MYO1E: variants seen among roughly 807,000 people sequenced by gnomAD.
MYO1E encodes myosin IE, also known as unconventional myosin-Ie.
In MYO1E, 68 loss-of-function variants were observed where a neutral mutation model predicts 151.1. That is an observed-to-expected ratio of 0.45 (90% confidence interval 0.37 to 0.55). MYO1E has a LOEUF of 0.55. Among genes scored for constraint, MYO1E ranks in the 20% least tolerant of loss-of-function variants. The probability of loss-of-function intolerance (pLI) is 0.00; values close to 1 mark genes in which losing one functional copy is unlikely to be tolerated. For synonymous variants in MYO1E, 601 were observed against 501.7 expected (o/e 1.20, Z -2.64); for missense variants, 1,363 against 1,389.3 (o/e 0.98, Z 0.30).
At position 59,174,790 on chromosome 15, in the gene MYO1E, C is replaced by A. The variant is rs3816815; in HGVS notation, c.2050-550G>T. Among the ~76,000 whole-genome samples, 19 of 151,906 alleles carry A rather than the reference C, an allele frequency of 1.3e-4. No homozygotes were observed. The East Asian group carries it at 3.7e-3, about 30-fold the overall frequency. On this transcript the variant is annotated intron_variant, in intron 19 of 27. Transcript: ENST00000288235. Reference sequence around the variant, plus strand: ...CACCAATCTCAGGATTCACCAAGGACCAGCGGAGCAGAGGATAATAACCAC... The same window carrying A: ...CACCAATCTCAGGATTCACCAAGGAACAGCGGAGCAGAGGATAATAACCAC...
intron 1 of MYO1E, among the ~76,000 whole-genome samples, chr15:59,286,872 G>T (rs1197877798): frequency 6.6e-6 from 1 of 152,162 alleles, no homozygotes; most frequent in African/African-American, 2.4e-5. Context: ...AATGACACAT[G>T]TTTACAAACA....
chr15:59,277,190 T>C (rs1351347735), intron 1 of MYO1E, among the ~76,000 whole-genome samples: 2 of 152,178 alleles, frequency 1.3e-5, no homozygotes, highest in African/African-American at 4.8e-5. Flanking sequence ...GGTAGCAATT[T>C]AGAAATCGGT....
At chr15:59,206,966 G>C in intron 14 of MYO1E, 1 of 1,613,886 alleles carries the variant, frequency 6.2e-7, no homozygotes, top group Non-Finnish European at 8.5e-7. Context: ...CCTGTTGTGC[G>C]GGCCAGCCAG....
chr15:59,173,734 G>T lies in MYO1E; in HGVS notation c.2334+12C>A. 6.2e-7 allele frequency: 1 copy of T among 1,614,008 alleles called. No homozygotes were observed. On this transcript the variant is annotated intron_variant, in intron 21 of 27. Transcript: ENST00000288235. ...TGTTTGGTGATCTCAGAGGCAGGCA[G>T]TTAGCACGTACCTTGAACCTCCTGT...
intron 26 of MYO1E, among the ~76,000 whole-genome samples, chr15:59,151,272 C>A (rs549148258): frequency 3.6e-4 from 54 of 150,888 alleles, no homozygotes; most frequent in African/African-American, 1.1e-3. Flanking sequence ...CAAAAAAAAA[C>A]CAAAAAAATT....
At chr15:59,259,407 G>A (rs1016795131) in intron 3 of MYO1E, among the ~76,000 whole-genome samples, 2 of 152,148 alleles carry the variant, frequency 1.3e-5, no homozygotes, top group African/African-American at 4.8e-5. Context: ...GCTACTGCAT[G>A]AGATCAGTCC....
At chr15:59,143,736 C>G (rs1291052780) in intron 26 of MYO1E, among the ~76,000 whole-genome samples, 1 of 152,170 alleles carries the variant, frequency 6.6e-6, no homozygotes, top group African/African-American at 2.4e-5. Flanking sequence ...TCATCCCTGG[C>G]CAACATGGTG....
At chr15:59,199,854 G>A (rs1395241565) in intron 16 of MYO1E, among the ~76,000 whole-genome samples, 2 of 152,162 alleles carry the variant, frequency 1.3e-5, no homozygotes, top group African/African-American at 2.4e-5. Flanking sequence ...ACGTATCAGC[G>A]ATTGGGCCAT....
At chr15:59,235,844 G>A (rs771603718) in intron 5 of MYO1E, among the ~76,000 whole-genome samples, 2 of 152,104 alleles carry the variant, frequency 1.3e-5, no homozygotes, top group Non-Finnish European at 2.9e-5. Context: ...TTTAAAACAT[G>A]GTAAGATTCT....
chr15:59,207,130 G>A lies in MYO1E; in HGVS notation c.1530+1551C>T, dbSNP rs1405922785. 3 of 1,614,202 alleles carry A rather than the reference G, an allele frequency of 1.9e-6. No individual in the cohort carries two copies. The highest frequency in any genetic ancestry group is 2.2e-5 in the East Asian group (1 of 44,888). On this transcript the variant is annotated intron_variant, in intron 14 of 27. Coordinates refer to ENST00000288235, the MANE Select transcript of MYO1E (RefSeq NM_004998.4). The stretch of plus-strand genomic sequence containing the variant: ...TGAGCTTATTGAGCGTTTCACTTCC[G>A]AGAAGCCCGTTCATCACAGTAAGGT...
Position 59,223,054 on chromosome 15 carries a change from C to G in MYO1E, c.910+5G>C. ...ATTCAATGGCCACATGCCAGGGCTA[C>G]GCACACTCTTCACTCTCCACAGCCG... On this transcript the variant is annotated splice_donor_5th_base_variant and intron_variant, in intron 9 of 27. Transcript: ENST00000288235. 6.2e-7 allele frequency: 1 copy of G among 1,613,880 alleles called. No homozygotes were observed. The highest frequency in any genetic ancestry group is 8.5e-7 in the Non-Finnish European group (1 of 1,180,016).
chr15:59,189,358 G>A (rs903441165), intron 17 of MYO1E, among the ~76,000 whole-genome samples: 6 of 151,930 alleles, frequency 3.9e-5, no homozygotes, highest in Admixed American at 3.3e-4. Context: ...TGTACTCGGC[G>A]TGTTTCTTCC....
intron 1 of MYO1E, among the ~76,000 whole-genome samples, chr15:59,355,911 G>A (rs964946823): frequency 6.6e-6 from 1 of 152,032 alleles, no homozygotes; most frequent in Non-Finnish European, 1.5e-5. Flanking sequence ...TAGAGACGGG[G>A]TCTCACAATG....
chr15:59,158,187 A>G, intron 25 of MYO1E, 100 bp downstream of exon 25: 2 of 1,019,104 alleles, frequency 2.0e-6, no homozygotes, highest in Non-Finnish European at 3.0e-6. Flanking sequence ...CCTGGTTAAT[A>G]TGTGTGCATT....
At chr15:59,191,870 C>A (rs1309822698) in intron 17 of MYO1E, among the ~76,000 whole-genome samples, 1 of 152,200 alleles carries the variant, frequency 6.6e-6, no homozygotes, top group East Asian at 1.9e-4. Context: ...TTTTCCAAGA[C>A]TGTCCCTGGC....
At chr15:59,151,838 G>A (rs577563185) in intron 26 of MYO1E, among the ~76,000 whole-genome samples, 2 of 152,158 alleles carry the variant, frequency 1.3e-5, no homozygotes, top group South Asian at 4.1e-4. Flanking sequence ...ACGAGGTCAG[G>A]AGATCAAGAC....
At chr15:59,204,711 C>G (rs1324161283) in intron 15 of MYO1E, among the ~76,000 whole-genome samples, 1 of 152,178 alleles carries the variant, frequency 6.6e-6, no homozygotes, top group Admixed American at 6.5e-5. Context: ...ATCTCTTAGT[C>G]ACTCCTTCTT....
intron 14 of MYO1E, chr15:59,206,980 G>A (rs3809530): frequency 0.3 from 487,699 of 1,613,394 alleles, 79,124 homozygotes; most frequent in East Asian, 0.57. Context: ...CAGCCAGAGA[G>A]TGAGCTCGGT....
rs71119441 is a variant in MYO1E at position 59,209,815 on chromosome 15, C to CTTTTTTTTTTTTTTTT, written c.1362+683_1362+698dup. Among the ~76,000 whole-genome samples, 78 of 49,872 alleles carry CTTTTTTTTTTTTTTTT rather than the reference C, an allele frequency of 1.6e-3. 10 individuals are homozygous for CTTTTTTTTTTTTTTTT. The highest frequency in any genetic ancestry group is 2.8e-3 in the Admixed American group (10 of 3,566). 32.7% of individuals were successfully genotyped at this position (49,872 alleles called of 152,430 possible). ...CTGTATCACTTTTATTTTGAATCAC[C>CTTTTTTTTTTTTTTTT]TTTTTTTTTTTTTTTTTTTTTTTTT... On this transcript the variant is annotated intron_variant, in intron 13 of 27. Transcript: ENST00000288235.
Sources: allele counts gnomAD v4.1 joint callset (sites outside exome capture counted in the v4.1 genomes callset), GRCh38; gene constraint gnomAD v4.1.1; transcripts MANE v1.5; gene names NCBI Gene and HGNC (gene_info 2026-07-23, HGNC 2026-07-21).